The following CHMP5 variants were observed in gnomAD, a reference collection of about 807,000 sequenced individuals.
The protein encoded by CHMP5 is charged multivesicular body protein 5, also known as SNF7 domain containing 2.
Under a neutral mutation model 33.0 loss-of-function variants are expected in CHMP5, and 17 were observed. That is an observed-to-expected ratio of 0.52 (90% confidence interval 0.35 to 0.77). The LOEUF is 0.77. CHMP5 is among the 30% of genes least tolerant of loss of function. The probability of loss-of-function intolerance (pLI) is 0.01; values close to 1 mark genes in which losing one functional copy is unlikely to be tolerated. For synonymous variants in CHMP5, 76 were observed against 90.2 expected (o/e 0.84, Z 0.89); for missense variants, 216 against 261.5 (o/e 0.83, Z 1.20).
intron 3 of CHMP5, among the ~76,000 whole-genome samples, chr9:33,270,400 A>C (rs768714249): frequency 3.9e-5 from 6 of 152,364 alleles, no homozygotes; most frequent in Non-Finnish European, 8.8e-5. Context: ...TAAGCGATGC[A>C]TGACTGTACA....
At chr9:33,278,860 G>A (rs1388290636) in intron 7 of CHMP5, among the ~76,000 whole-genome samples, 3 of 152,088 alleles carry the variant, frequency 2.0e-5, no homozygotes, top group Non-Finnish European at 2.9e-5. Flanking sequence ...CGTAATTGTT[G>A]TGCAAGCAAA....
chr9:33,268,765 CAGA>C (rs1820758484), intron 3 of CHMP5, among the ~76,000 whole-genome samples: 1 of 152,090 alleles, frequency 6.6e-6, no homozygotes, highest in East Asian at 1.9e-4. Context: ...TAAATATGAA[CAGA>C]AGAAAATAAA....
In CHMP5 at chr9:33,271,142, CT is replaced by C; in HGVS notation, c.316-6del. On this transcript the variant is annotated splice_polypyrimidine_tract_variant and intron_variant, in intron 4 of 7. Coordinates refer to ENST00000223500, the MANE Select transcript of CHMP5 (RefSeq NM_016410.6). ...ACTAAAACATTGTGTTTTCTTCTTCCTTTTCTTAGGTTGATGCTATGAAACT... is the reference window on the plus strand; with the variant it reads ...ACTAAAACATTGTGTTTTCTTCTTCCTTTCTTAGGTTGATGCTATGAAACT... 6.2e-7 allele frequency: 1 copy of C among 1,602,746 alleles called. No homozygotes were observed.
At position 33,267,863 on chromosome 9, in the gene CHMP5, A is replaced by G. The variant is rs1442708711; in HGVS notation, c.185A>G (p.Lys62Arg). Residue 62 changes from lysine to arginine, a missense_variant, in exon 3 of 8, where the codon AAG becomes AGG. Lys to Arg is a conservative substitution (Grantham distance 26). Coordinates refer to ENST00000223500, the MANE Select transcript of CHMP5 (RefSeq NM_016410.6). ...MREGPAKNMV[K>R]QKALRVLKQK... ...TGTTTTTCTCTCCAGAATATGGTCA[A>G]GCAGAAAGCCTTGCGAGTTTTAAAG... The G allele has an allele frequency of 2.5e-6, 4 of 1,610,600 alleles. No individual in the cohort carries two copies. Among genetic ancestry groups the G allele is most frequent in the East Asian group, 2.2e-5 (1 of 44,812 alleles).
chr9:33,273,113 G>T (rs1196388413), intron 5 of CHMP5, among the ~76,000 whole-genome samples: 1 of 152,040 alleles, frequency 6.6e-6, no homozygotes, highest in East Asian at 1.9e-4. Flanking sequence ...GGGATTACAG[G>T]TGCCTGCCAC....
intron 5 of CHMP5, among the ~76,000 whole-genome samples, chr9:33,274,806 G>T (rs1372417324): frequency 6.6e-6 from 1 of 152,082 alleles, no homozygotes; most frequent in African/African-American, 2.4e-5. Flanking sequence ...AGTAGAGATG[G>T]GGTTTCACCA....
At chr9:33,277,185 T>C (rs1820865652) in intron 6 of CHMP5, among the ~76,000 whole-genome samples, 1 of 128,768 alleles carries the variant, frequency 7.8e-6, no homozygotes, top group South Asian at 2.5e-4. Context: ...AGTGAGACCT[T>C]CTCTCAAAAA....
rs757015643 is a variant in CHMP5 at position 33,280,908 on chromosome 9, C to T, written c.*49C>T. ...TGTAAAACAAACACATATTATGGGA[C>T]TAGGAAATATTTATCTTTCCAAATT... is the stretch of plus-strand genomic sequence containing the variant. On this transcript the variant is annotated 3_prime_UTR_variant, in exon 8 of 8. Transcript: ENST00000223500. 10 of 1,460,362 alleles carry T rather than the reference C, an allele frequency of 6.8e-6. No individual in the cohort carries two copies. The African/African-American group carries it at 1.3e-4, about 19-fold the overall frequency. The allele number at this position is 1,460,362 out of a possible 1,614,324, so 90.5% of individuals were successfully genotyped here. A position where few individuals can be genotyped will look rare whatever the true frequency, so the allele number is the denominator to read the frequency against.
chr9:33,278,962 C>T (rs899890571), intron 7 of CHMP5, among the ~76,000 whole-genome samples: 1 of 152,124 alleles, frequency 6.6e-6, no homozygotes, highest in Non-Finnish European at 1.5e-5. Context: ...CTCATTCTGT[C>T]ACTCAGGCTG....
intron 5 of CHMP5, among the ~76,000 whole-genome samples, chr9:33,273,404 A>C (rs147917430): frequency 1.2e-3 from 178 of 152,192 alleles, no homozygotes; most frequent in African/African-American, 3.3e-3. Flanking sequence ...GGTCTTGGTG[A>C]ATGCTTTGTA....
rs1484986992 is a variant in CHMP5 at position 33,266,087 on chromosome 9, CAAG to C, written c.152_154del (p.Lys51del). On this transcript the variant is annotated inframe_deletion, in exon 2 of 8. Transcript: ENST00000223500. ...AGCTAGTGAAGTATAAGGATCAGAT[CAAG>C]AAGATGAGAGAGGGTCCTGCAAAGG... 3 of 1,612,608 alleles carry C rather than the reference CAAG, an allele frequency of 1.9e-6. No homozygotes were observed. The highest frequency in any genetic ancestry group is 2.5e-6 in the Non-Finnish European group (3 of 1,178,926).
intron 6 of CHMP5, chr9:33,277,904 C>G: frequency 2.2e-6 from 1 of 448,908 alleles, no homozygotes. Flanking sequence ...AAGTCTCTAC[C>G]TGCTATTGTC....
intron 6 of CHMP5, 70 bp downstream of exon 6, chr9:33,276,634 C>T: frequency 1.2e-6 from 1 of 806,050 alleles, no homozygotes; most frequent in Non-Finnish European, 2.1e-6. Context: ...GGGACCTTTT[C>T]TCAAATGCTA....
chr9:33,265,251 G>A, intron 1 of CHMP5, 104 bp downstream of exon 1: 1 of 1,123,722 alleles, frequency 8.9e-7, no homozygotes, highest in Non-Finnish European at 1.3e-6. Flanking sequence ...TTCGGGTCCT[G>A]GGCCCCTTAC....
chr9:33,270,994 A>C (rs548933700), intron 4 of CHMP5, among the ~76,000 whole-genome samples, 158 bp from the exon 5 acceptor site: 1 of 152,262 alleles, frequency 6.6e-6, no homozygotes, highest in East Asian at 1.9e-4. Flanking sequence ...AGGCAGGAGA[A>C]TCACTTGAAC....
intron 1 of CHMP5, 60 bp downstream of exon 1, chr9:33,265,207 C>T (rs1820693960): frequency 3.9e-6 from 6 of 1,531,030 alleles, no homozygotes; most frequent in Admixed American, 1.7e-5. Context: ...ACCCCGCCCA[C>T]CCCCAGCCCC....
chr9:33,269,773 G>A (rs1277540982), intron 3 of CHMP5, among the ~76,000 whole-genome samples: 5 of 152,110 alleles, frequency 3.3e-5, no homozygotes, highest in South Asian at 2.1e-4. Context: ...TTGGGAGTTC[G>A]AGACCAGCCT....
chr9:33,268,528 A>G (rs763141664), intron 3 of CHMP5, among the ~76,000 whole-genome samples: 1 of 152,226 alleles, frequency 6.6e-6, no homozygotes, highest in Non-Finnish European at 1.5e-5. Context: ...GGAGCCAGAA[A>G]GATTGTCAGT....
chr9:33,266,194 T>A, intron 2 of CHMP5, 80 bp downstream of exon 2: 1 of 858,540 alleles, frequency 1.2e-6, no homozygotes, highest in South Asian at 1.5e-5. Flanking sequence ...CTAGTTCGGC[T>A]GGGCGCAGTG....
Sources: allele counts gnomAD v4.1 joint callset (sites outside exome capture counted in the v4.1 genomes callset), GRCh38; gene constraint gnomAD v4.1.1; transcripts MANE v1.5; gene names NCBI Gene and HGNC (gene_info 2026-07-23, HGNC 2026-07-21).